Variants in TPGS2 observed in about 807,000 individuals in gnomAD.
The protein encoded by TPGS2 is tubulin polyglutamylase complex subunit 2.
TPGS2 carries 26 observed loss-of-function variants against 31.1 expected under a neutral mutation model. The ratio of observed to expected loss-of-function variants is 0.84; its 90% confidence interval spans 0.61 to 1.16. TPGS2 has a LOEUF of 1.16. Among genes scored for constraint, TPGS2 ranks in the 50% most tolerant of loss-of-function variants. TPGS2 has a pLI of 0.00. For synonymous variants in TPGS2, 130 were observed against 136.6 expected (o/e 0.95, Z 0.34); for missense variants, 351 against 363.8 (o/e 0.96, Z 0.29).
downstream of TPGS2, chr18:36,789,471 A>T (rs2044234232): frequency 6.6e-6 from 1 of 152,192 alleles, no homozygotes; most frequent in Non-Finnish European, 1.5e-5. Context: ...ATTTTAGTTT[A>T]TGGCTATGTA....
chr18:36,812,594 A>C (rs1186720433), intron 2 of TPGS2, among the ~76,000 whole-genome samples: 1 of 152,106 alleles, frequency 6.6e-6, no homozygotes, highest in Non-Finnish European at 1.5e-5. Flanking sequence ...CTTTGTAATA[A>C]ACCTGTAAAT....
At position 36,798,153 on chromosome 18, in the gene TPGS2, T is replaced by C. The variant is rs1269767169; in HGVS notation, c.657+296A>G. 7 of 1,188,870 alleles carry C rather than the reference T, an allele frequency of 5.9e-6. 1 individual carries two copies. Among genetic ancestry groups the C allele is most frequent in the Non-Finnish European group, 7.4e-6 (7 of 951,666 alleles). The allele number at this position is 1,188,870 out of a possible 1,614,324, so 73.6% of individuals were successfully genotyped here. A position where few individuals can be genotyped will look rare whatever the true frequency, so the allele number is the denominator to read the frequency against. On this transcript the variant is annotated intron_variant, in intron 6 of 6. Transcript: ENST00000334295. ...TGACTTTTCACTCTTCCTGGGTGCA[T>C]GTACTGCCAACCCAGAACAAGTCAT... is the stretch of plus-strand genomic sequence containing the variant.
intron 4 of TPGS2, among the ~76,000 whole-genome samples, chr18:36,801,474 A>C (rs1278112787): frequency 1.3e-5 from 2 of 152,052 alleles, no homozygotes; most frequent in Non-Finnish European, 2.9e-5. Context: ...GCTGGGGTCC[A>C]TAGGTGTGGC....
downstream of TPGS2, among the ~76,000 whole-genome samples, chr18:36,791,217 T>C (rs949880146): frequency 6.6e-5 from 10 of 152,226 alleles, no homozygotes; most frequent in Non-Finnish European, 1.0e-4. Context: ...ATGCTTCTTG[T>C]ACAGCCTGCA....
chr18:36,819,882 T>C (rs2045821547), intron 1 of TPGS2, among the ~76,000 whole-genome samples: 1 of 152,208 alleles, frequency 6.6e-6, no homozygotes, highest in Non-Finnish European at 1.5e-5. Flanking sequence ...AGTCCAATGA[T>C]TGGTGCCCTC....
At chr18:36,811,392 C>A (rs2045419794) in intron 2 of TPGS2, among the ~76,000 whole-genome samples, 1 of 152,152 alleles carries the variant, frequency 6.6e-6, no homozygotes, top group Admixed American at 6.5e-5. Flanking sequence ...GGAAAGGTAG[C>A]ATACTTTTTC....
At chr18:36,812,792 G>A (rs2045488159) in intron 2 of TPGS2, among the ~76,000 whole-genome samples, 1 of 152,194 alleles carries the variant, frequency 6.6e-6, no homozygotes, top group Admixed American at 6.5e-5. Context: ...TATGGGATCT[G>A]ATGCTATCTC....
At chr18:36,788,166 A>T (rs961572400) in intron 6 of TPGS2, among the ~76,000 whole-genome samples, 3 of 152,182 alleles carry the variant, frequency 2.0e-5, no homozygotes, top group African/African-American at 7.2e-5. Context: ...TGGCCTAAAA[A>T]CATGGTTTGT....
intron 6 of TPGS2, among the ~76,000 whole-genome samples, chr18:36,787,361 G>A (rs2044161250): frequency 6.6e-6 from 1 of 152,174 alleles, no homozygotes; most frequent in Admixed American, 6.5e-5. Flanking sequence ...GCCCCTAATA[G>A]TATCTGCCTA....
intron 5 of TPGS2, 87 bp from the exon 6 acceptor site, chr18:36,798,696 T>TAA: frequency 1.4e-6 from 2 of 1,430,754 alleles, no homozygotes; most frequent in Non-Finnish European, 1.9e-6. Context: ...CTCATGGCCT[T>TAA]AAAAAAAAAT....
intron 1 of TPGS2, among the ~76,000 whole-genome samples, chr18:36,827,045 C>CT (rs999779659): frequency 1.3e-5 from 2 of 149,912 alleles, no homozygotes; most frequent in African/African-American, 2.4e-5. Context: ...TTTTAAGTTT[C>CT]TTTTTTTTTA....
At chr18:36,780,276 G>A (rs564572485), downstream of TPGS2, 418 of 1,005,192 alleles carry the variant, frequency 4.2e-4, no homozygotes, top group Admixed American at 1.3e-4. Context: ...GTTACAGGAC[G>A]TGTTAGCTGT....
Position 36,805,471 on chromosome 18 carries a change from A to C in TPGS2, c.285T>G (p.Ile95Met). 1 of 1,614,090 alleles carries C rather than the reference A, an allele frequency of 6.2e-7. No homozygotes were observed. Among genetic ancestry groups the C allele is most frequent in the Non-Finnish European group, 8.5e-7 (1 of 1,179,978 alleles). Residue 95 changes from isoleucine (I) to methionine (M), a missense_variant, in exon 4 of 7, where the codon ATT (isoleucine) becomes ATG (methionine). By Grantham distance (10) the Ile-to-Met change is conservative. Coordinates refer to ENST00000334295, the MANE Select transcript of TPGS2 (RefSeq NM_015476.4). ...GCTGAGTCAGTTTTGAGATGCTGTT[A>C]ATTGCCATGCTTCCCAGTGGAATGA... Reference protein sequence around the residue: ...EHIIPLGSMAINSISKLTQLT... With the variant: ...EHIIPLGSMAMNSISKLTQLT...
At chr18:36,797,535 C>T (rs1420095387) in intron 6 of TPGS2, among the ~76,000 whole-genome samples, 1 of 145,486 alleles carries the variant, frequency 6.9e-6, no homozygotes, top group Non-Finnish European at 1.5e-5. Flanking sequence ...TTTTTGGCAG[C>T]TGAGGGCAAA....
chr18:36,800,076 CAAGG>C (rs2044728458), intron 5 of TPGS2, 118 bp downstream of exon 5: 1 of 822,686 alleles, frequency 1.2e-6, no homozygotes. Flanking sequence ...TTGGGACACA[CAAGG>C]AACCTGGGAG....
At chr18:36,781,906 C>T (rs1011245712), downstream of TPGS2, 13 of 985,152 alleles carry the variant, frequency 1.3e-5, no homozygotes, top group Middle Eastern at 5.2e-4. Flanking sequence ...ACATTATAGA[C>T]GGTTGTGTTT....
At chr18:36,787,038 G>A (rs1600716028) in intron 6 of TPGS2, 2 of 1,234,040 alleles carry the variant, frequency 1.6e-6, no homozygotes, top group Middle Eastern at 2.2e-4. Flanking sequence ...CCAGTTTCCA[G>A]TGAACACATT....
At position 36,798,584 on chromosome 18, in the gene TPGS2, C is replaced by G; in HGVS notation, c.522G>C (p.Trp174Cys). The G allele has an allele frequency of 6.2e-7, 1 of 1,614,064 alleles. No homozygotes were observed. The highest frequency in any genetic ancestry group is 1.7e-4 in the Middle Eastern group (1 of 6,060). The change falls in exon 6 of 7, where the codon TGG becomes TGC. Residue 174 changes from tryptophan to cysteine, a missense_variant. By Grantham distance (215) the Trp-to-Cys change is radical. Transcript: ENST00000334295. ...KPALAEDTEI[W>C]FLDRALYWHF... ...GCCAGTATAACGCTCTGTCCAGGAA[C>G]CAGATCTCAGTGTCTTCTGCTAATG...
In TPGS2 at chr18:36,796,097, A is replaced by C; in HGVS notation, c.*708T>G. 1 of 985,478 alleles carries C rather than the reference A, an allele frequency of 1.0e-6. No homozygotes were observed. The allele number at this position is 985,478 out of a possible 1,614,324, so 61.0% of individuals were successfully genotyped here. Reference sequence around the variant, plus strand: ...GATGAGGAAGACAAACTTTATAGGAAGCTGCAAAAGAAATGAGCAGAGCGA... The same window carrying C: ...GATGAGGAAGACAAACTTTATAGGACGCTGCAAAAGAAATGAGCAGAGCGA... On this transcript the variant is annotated 3_prime_UTR_variant, in exon 7 of 7. Coordinates refer to ENST00000334295, the MANE Select transcript of TPGS2 (RefSeq NM_015476.4).
Sources: gnomAD v4.1 joint callset for allele counts (sites outside exome capture counted in the v4.1 genomes callset) on GRCh38, gnomAD v4.1.1 for gene constraint, MANE v1.5 for transcripts, NCBI Gene and HGNC (gene_info 2026-07-23, HGNC 2026-07-21) for gene names.